The following PTPRD variants were observed in gnomAD, a reference collection of about 807,000 sequenced individuals.
The protein encoded by PTPRD is receptor-type tyrosine-protein phosphatase delta.
Under a neutral mutation model 214.5 loss-of-function variants are expected in PTPRD, and 34 were observed. That is an observed-to-expected ratio of 0.16 (90% CI 0.12 to 0.21). PTPRD has a LOEUF of 0.21. PTPRD is among the 10% of genes least tolerant of loss of function. The pLI, the probability that PTPRD is intolerant of heterozygous loss-of-function variation, is 1.00. For missense variants in PTPRD, 2,545 were observed against 2,398.7 expected (o/e 1.06, Z -1.27); for synonymous variants, 1,128 against 845.7 (o/e 1.33, Z -5.79).
intron 9 of PTPRD, among the ~76,000 whole-genome samples, chr9:9,248,285 G>C (rs934128736): frequency 6.6e-6 from 1 of 151,834 alleles, no homozygotes; most frequent in Non-Finnish European, 1.5e-5. Flanking sequence ...GTAGAGATGG[G>C]GTTTCACCAT....
At chr9:9,427,145 A>G (rs914181428) in intron 8 of PTPRD, among the ~76,000 whole-genome samples, 1 of 152,164 alleles carries the variant, frequency 6.6e-6, no homozygotes, top group Non-Finnish European at 1.5e-5. Flanking sequence ...AACCCGTTAC[A>G]AAGAAGCTAA....
chr9:9,967,448 A>T (rs563893015), intron 4 of PTPRD, among the ~76,000 whole-genome samples: 1 of 152,304 alleles, frequency 6.6e-6, no homozygotes, highest in African/African-American at 2.4e-5. Context: ...GATAGTGCAG[A>T]ATCATTGGTT....
chr9:8,985,778 A>T (rs1046286692), intron 11 of PTPRD, among the ~76,000 whole-genome samples: 1 of 152,060 alleles, frequency 6.6e-6, no homozygotes, highest in Non-Finnish European at 1.5e-5. Flanking sequence ...TATATTGTGC[A>T]CCTATAGCCT....
chr9:9,389,601 A>T (rs2065102673), intron 9 of PTPRD, among the ~76,000 whole-genome samples: 1 of 152,218 alleles, frequency 6.6e-6, no homozygotes, highest in South Asian at 2.1e-4. Flanking sequence ...CTTGCCTCAT[A>T]AAATGAGATA....
intron 11 of PTPRD, among the ~76,000 whole-genome samples, chr9:8,790,274 C>T (rs1053695381): frequency 2.0e-5 from 3 of 152,014 alleles, no homozygotes; most frequent in African/African-American, 7.2e-5. Context: ...CCTCTGCCTT[C>T]CAAAGCATTA....
chr9:9,480,352 G>T (rs1407315208), intron 8 of PTPRD, among the ~76,000 whole-genome samples: 1 of 152,050 alleles, frequency 6.6e-6, no homozygotes, highest in East Asian at 1.9e-4. Context: ...TCCCATAAAA[G>T]AAAACATATA....
At chr9:10,078,609 G>C (rs902196531) in intron 3 of PTPRD, among the ~76,000 whole-genome samples, 1 of 151,320 alleles carries the variant, frequency 6.6e-6, no homozygotes, top group Non-Finnish European at 1.5e-5. Context: ...TCCCAATCAG[G>C]GGGTGTTTGG....
chr9:8,948,469 A>ATT (rs2099081535), intron 11 of PTPRD, among the ~76,000 whole-genome samples: 1 of 7,048 alleles, frequency 1.4e-4, no homozygotes, highest in African/African-American at 3.7e-4. Flanking sequence ...ATATATTTAC[A>ATT]TATATATATA....
chr9:9,028,520 G>C (rs2099594568), intron 10 of PTPRD, among the ~76,000 whole-genome samples: 1 of 151,786 alleles, frequency 6.6e-6, no homozygotes. Flanking sequence ...AGTACAGTGT[G>C]GTATCATAGT....
chr9:9,238,977 T>C lies in PTPRD; in HGVS notation c.-202-55614A>G, dbSNP rs1430195205. On this transcript the variant is annotated intron_variant, in intron 9 of 45. Transcript: ENST00000381196. ...CATTCAGACAGCCACGGTGTGTCTT[T>C]TTCATCACCAGTCTAAAATCTAGCC... Among the ~76,000 whole-genome samples, 3 of 152,150 alleles carry C rather than the reference T, an allele frequency of 2.0e-5. No individual in the cohort carries two copies. In the East Asian group the frequency reaches 5.8e-4, roughly 29 times the overall value.
chr9:8,866,144 C>G (rs753252160), intron 11 of PTPRD, among the ~76,000 whole-genome samples: 9 of 152,078 alleles, frequency 5.9e-5, no homozygotes, highest in Non-Finnish European at 1.3e-4. Flanking sequence ...GGCCACATCT[C>G]CAAAATTACT....
chr9:10,309,303 A>G (rs1347250008), intron 3 of PTPRD, among the ~76,000 whole-genome samples: 3 of 151,792 alleles, frequency 2.0e-5, no homozygotes, highest in African/African-American at 4.8e-5. Flanking sequence ...CATAAATACT[A>G]TTCCTTTGAA....
intron 4 of PTPRD, among the ~76,000 whole-genome samples, chr9:9,945,932 G>C (rs1441845646): frequency 6.6e-6 from 1 of 151,608 alleles, no homozygotes; most frequent in Non-Finnish European, 1.5e-5. Context: ...AATAACCAAA[G>C]AACTATTATT....
intron 2 of PTPRD, among the ~76,000 whole-genome samples, chr9:10,539,283 C>G (rs776601540): frequency 4.6e-5 from 7 of 152,160 alleles, no homozygotes; most frequent in Non-Finnish European, 8.8e-5. Context: ...CTTTCAGGAT[C>G]GAGCAATTCT....
At chr9:9,502,331 T>C (rs1009869865) in intron 8 of PTPRD, among the ~76,000 whole-genome samples, 6 of 151,814 alleles carry the variant, frequency 4.0e-5, no homozygotes, top group African/African-American at 1.4e-4. Flanking sequence ...GTGATGTTGA[T>C]TGTTTTAGAT....
At chr9:8,578,030 A>G (rs1211217708) in intron 14 of PTPRD, among the ~76,000 whole-genome samples, 2 of 152,202 alleles carry the variant, frequency 1.3e-5, no homozygotes, top group African/African-American at 2.4e-5. Flanking sequence ...TTGAATACAG[A>G]GCAAATAAAC....
chr9:9,214,882 C>A (rs1254895518), intron 9 of PTPRD, among the ~76,000 whole-genome samples: 3 of 152,060 alleles, frequency 2.0e-5, no homozygotes, highest in Admixed American at 6.6e-5. Flanking sequence ...GGAATTAAAG[C>A]CCAGAGATGT....
At position 9,775,594 on chromosome 9, in the gene PTPRD, T is replaced by C. The variant is rs1270385159; in HGVS notation, c.-367-8743A>G. ...AGAATTCCTAATTGATCTCCCCACC[T>C]TCAATTTTATCTTCATCCAATCTCC... On this transcript the variant is annotated intron_variant, in intron 5 of 45. Coordinates refer to ENST00000381196, the MANE Select transcript of PTPRD (RefSeq NM_002839.4). 2.0e-5 allele frequency among the ~76,000 whole-genome samples: 3 copies of C among 152,180 alleles called. No homozygotes were observed. In the East Asian group the frequency reaches 5.8e-4, roughly 29 times the overall value.
chr9:10,535,489 T>G (rs537202716), intron 2 of PTPRD, among the ~76,000 whole-genome samples: 1 of 152,120 alleles, frequency 6.6e-6, no homozygotes, highest in East Asian at 1.9e-4. Flanking sequence ...TGCCAACATC[T>G]TTAAAAAAAA....
Sources: gnomAD v4.1 joint callset for allele counts (sites outside exome capture counted in the v4.1 genomes callset) on GRCh38, gnomAD v4.1.1 for gene constraint, MANE v1.5 for transcripts, NCBI Gene and HGNC (gene_info 2026-07-23, HGNC 2026-07-21) for gene names.